Variants in UNC79 observed in about 807,000 individuals in gnomAD.
UNC79 encodes protein unc-79 homolog.
Under a neutral mutation model 283.1 loss-of-function variants are expected in UNC79, and 37 were observed. That is an observed-to-expected ratio of 0.13 (90% CI 0.10 to 0.17). The LOEUF (loss-of-function observed/expected upper bound fraction) is 0.17. UNC79 is among the 10% of genes least tolerant of loss of function. UNC79 has a pLI of 1.00. For missense variants in UNC79, 2,272 were observed against 3,211.1 expected (o/e 0.71, Z 7.07); for synonymous variants, 1,107 against 1,200.2 (o/e 0.92, Z 1.61).
Position 93,347,380 on chromosome 14 carries a change from C to T in UNC79, c.-351+13857C>T, listed in dbSNP as rs114399408. ...CCACTCGGGGCCCCCGCGCCAGCGGCCCCTGTCTGCCGCGGTGAGTTGAGG... is the reference window on the plus strand; with the variant it reads ...CCACTCGGGGCCCCCGCGCCAGCGGTCCCTGTCTGCCGCGGTGAGTTGAGG... On this transcript the variant is annotated intron_variant, in intron 1 of 49. Transcript: ENST00000256339. 18,229 of 1,548,868 alleles carry T rather than the reference C, an allele frequency of 0.012. 664 individuals are homozygous for T. The African/African-American group carries it at 0.13, about 11-fold the overall frequency.
At chr14:93,462,908 G>T (rs2057011740) in intron 1 of UNC79, among the ~76,000 whole-genome samples, 2 of 152,104 alleles carry the variant, frequency 1.3e-5, no homozygotes, top group South Asian at 2.1e-4. Flanking sequence ...AATCGATGAG[G>T]CCTGTTATTC....
chr14:93,517,849 CT>C (rs1447940054), intron 7 of UNC79, among the ~76,000 whole-genome samples: 6 of 151,850 alleles, frequency 4.0e-5, no homozygotes, highest in East Asian at 3.9e-4. Flanking sequence ...TTCTGCCCCC[CT>C]GTTATATTTT....
intron 26 of UNC79, among the ~76,000 whole-genome samples, chr14:93,609,417 T>C (rs920318420): frequency 1.3e-5 from 2 of 152,176 alleles, no homozygotes; most frequent in Non-Finnish European, 2.9e-5. Flanking sequence ...AATGCTGTAT[T>C]ACACTTTGGA....
At chr14:93,539,439 T>G (rs1408083026) in intron 12 of UNC79, among the ~76,000 whole-genome samples, 2 of 151,358 alleles carry the variant, frequency 1.3e-5, no homozygotes, top group African/African-American at 2.4e-5. Flanking sequence ...GATAATCGCT[T>G]GAACCTGGGA....
chr14:93,475,261 C>T (rs1651563724), intron 3 of UNC79, among the ~76,000 whole-genome samples: 1 of 152,078 alleles, frequency 6.6e-6, no homozygotes, highest in South Asian at 2.1e-4. Context: ...ATAATTTGGT[C>T]CCTGAAAGTA....
At chr14:93,556,799 C>A (rs1252132345) in intron 14 of UNC79, among the ~76,000 whole-genome samples, 1 of 152,062 alleles carries the variant, frequency 6.6e-6, no homozygotes, top group Non-Finnish European at 1.5e-5. Context: ...TAATTAATAT[C>A]ATTTACCATA....
chr14:93,542,328 C>T, intron 13 of UNC79, 138 bp from the exon 14 acceptor site: 1 of 828,122 alleles, frequency 1.2e-6, no homozygotes, highest in Non-Finnish European at 1.9e-6. Flanking sequence ...ATAAGCGATC[C>T]CCATTTTTAA....
rs553687342 is a variant in UNC79, at chr14:93,371,209, G to A, written c.-351+37686G>A. ...TTGAGACCATCCTGGCTAACACGGT[G>A]AAACTCCATCTCTACTAAAAATACC... On this transcript the variant is annotated intron_variant, in intron 1 of 49. Transcript: ENST00000256339. Among the ~76,000 whole-genome samples, 4 of 152,092 alleles carry A rather than the reference G, an allele frequency of 2.6e-5. No homozygotes were observed. In the South Asian group the frequency reaches 8.3e-4, roughly 32 times the overall value.
At chr14:93,365,101 T>A (rs570774636) in intron 1 of UNC79, among the ~76,000 whole-genome samples, 1 of 151,790 alleles carries the variant, frequency 6.6e-6, no homozygotes, top group African/African-American at 2.4e-5. Flanking sequence ...AAAAATGTTA[T>A]CAGGCCAGGC....
intron 2 of UNC79, among the ~76,000 whole-genome samples, chr14:93,471,824 C>T (rs2057524706): frequency 1.3e-5 from 2 of 151,964 alleles, no homozygotes; most frequent in African/African-American, 2.4e-5. Context: ...TGACATTCTT[C>T]CCTCCCTGCA....
At chr14:93,650,467 T>G (rs1566856825) in intron 35 of UNC79, among the ~76,000 whole-genome samples, 2 of 152,196 alleles carry the variant, frequency 1.3e-5, no homozygotes, top group South Asian at 2.1e-4. Flanking sequence ...TGCCCAACTT[T>G]GGCATTGTTG....
chr14:93,583,869 G>A (rs1345552801), intron 20 of UNC79, among the ~76,000 whole-genome samples: 2 of 146,684 alleles, frequency 1.4e-5, no homozygotes, highest in African/African-American at 2.6e-5. Flanking sequence ...GCAGGAGCCC[G>A]ATCACGGCTC....
chr14:93,513,112 T>C (rs2059901945), intron 7 of UNC79, among the ~76,000 whole-genome samples: 1 of 152,158 alleles, frequency 6.6e-6, no homozygotes, highest in South Asian at 2.1e-4. Flanking sequence ...TTTATAGGCT[T>C]CTTGATCTCT....
At chr14:93,633,240 T>C (rs2068186287) in intron 31 of UNC79, among the ~76,000 whole-genome samples, 1 of 152,344 alleles carries the variant, frequency 6.6e-6, no homozygotes, top group Admixed American at 6.5e-5. Context: ...TGAGTAGTCA[T>C]TTCCATGAGT....
chr14:93,486,996 C>G (rs2058474445), intron 4 of UNC79, among the ~76,000 whole-genome samples: 2 of 152,080 alleles, frequency 1.3e-5, no homozygotes, highest in African/African-American at 4.8e-5. Context: ...TTATTTCAAA[C>G]AACTCAGATG....
intron 1 of UNC79, among the ~76,000 whole-genome samples, chr14:93,431,396 G>A (rs1042118661): frequency 2.0e-5 from 3 of 151,966 alleles, no homozygotes; most frequent in African/African-American, 7.3e-5. Flanking sequence ...TGTTGGAGTG[G>A]GGGAAGGGGG....
At chr14:93,532,332 A>C (rs987630046) in intron 10 of UNC79, among the ~76,000 whole-genome samples, 1 of 150,870 alleles carries the variant, frequency 6.6e-6, no homozygotes, top group Non-Finnish European at 1.5e-5. Context: ...TTAGCTGGGC[A>C]TGGAAGCCCA....
At chr14:93,665,760 T>A (rs2072130328) in intron 40 of UNC79, among the ~76,000 whole-genome samples, 1 of 151,982 alleles carries the variant, frequency 6.6e-6, no homozygotes, top group Non-Finnish European at 1.5e-5. Context: ...ACTATCTACT[T>A]GGAATTCTCT....
chr14:93,423,019 C>A (rs2055633113), intron 1 of UNC79, among the ~76,000 whole-genome samples: 1 of 134,354 alleles, frequency 7.4e-6, no homozygotes, highest in African/African-American at 2.8e-5. Flanking sequence ...GTTGAGATCG[C>A]ACCACTGCAC....
Sources: allele counts gnomAD v4.1 joint callset (sites outside exome capture counted in the v4.1 genomes callset), GRCh38; gene constraint gnomAD v4.1.1; transcripts MANE v1.5; gene names NCBI Gene and HGNC (gene_info 2026-07-23, HGNC 2026-07-21).